The following SOS2 variants were observed in gnomAD, a reference collection of about 807,000 sequenced individuals.
SOS2 encodes the protein SOS Ras/Rho guanine nucleotide exchange factor 2, also known as son of sevenless homolog 2.
In SOS2, 65 loss-of-function variants were observed where a neutral mutation model predicts 148.2. The ratio of observed to expected loss-of-function variants is 0.44; its 90% CI spans 0.36 to 0.54. The LOEUF (loss-of-function observed/expected upper bound fraction) is 0.54. SOS2 is among the 20% of genes least tolerant of loss of function. The pLI, the probability that SOS2 is intolerant of heterozygous loss-of-function variation, is 0.00. For missense variants in SOS2, 1,341 were observed against 1,590.2 expected (o/e 0.84, Z 2.67); for synonymous variants, 539 against 537.1 (o/e 1.00, Z -0.05).
At chr14:50,169,156 A>G (rs1201304087) in intron 8 of SOS2, among the ~76,000 whole-genome samples, 1 of 151,436 alleles carries the variant, frequency 6.6e-6, no homozygotes, top group African/African-American at 2.4e-5. Flanking sequence ...TACTAAAAAT[A>G]TTAAAAAAAA....
intron 22 of SOS2, among the ~76,000 whole-genome samples, chr14:50,119,538 T>G (rs1403800855): frequency 1.3e-5 from 2 of 152,100 alleles, no homozygotes; most frequent in African/African-American, 2.4e-5. Flanking sequence ...TTTATTTTTA[T>G]TTTTAGTTTT....
At chr14:50,155,572 G>A (rs377716161) in intron 12 of SOS2, among the ~76,000 whole-genome samples, 1 of 152,036 alleles carries the variant, frequency 6.6e-6, no homozygotes, top group Non-Finnish European at 1.5e-5. Flanking sequence ...TCCTGAAATT[G>A]TATAGGGATG....
chr14:50,131,696 TG>T (rs1271558285), intron 19 of SOS2, among the ~76,000 whole-genome samples: 5 of 152,204 alleles, frequency 3.3e-5, no homozygotes, highest in African/African-American at 7.2e-5. Context: ...TGATGATGCT[TG>T]GGTAGAAGAA....
intron 18 of SOS2, among the ~76,000 whole-genome samples, chr14:50,135,656 T>C (rs1278724389): frequency 7.0e-6 from 1 of 143,054 alleles, no homozygotes; most frequent in Non-Finnish European, 1.5e-5. Flanking sequence ...TTTTTTTTTT[T>C]TTTTTTTTGA....
intron 16 of SOS2, among the ~76,000 whole-genome samples, chr14:50,142,046 C>T (rs555518512): frequency 6.7e-6 from 1 of 149,370 alleles, no homozygotes; most frequent in South Asian, 2.1e-4. Context: ...CTTGCTCTGT[C>T]GCACAGGCTG....
intron 14 of SOS2, among the ~76,000 whole-genome samples, chr14:50,147,512 TAAA>T (rs60438147): frequency 8.1e-4 from 85 of 105,244 alleles, no homozygotes; most frequent in African/African-American, 9.8e-4. Flanking sequence ...ACCCTGTTTC[TAAA>T]AAAAAAAAAA....
chr14:50,136,561 A>G (rs962443093), intron 18 of SOS2, among the ~76,000 whole-genome samples: 2 of 150,416 alleles, frequency 1.3e-5, no homozygotes. Flanking sequence ...TCAGTAGGTT[A>G]CCACCTTTAT....
At chr14:50,230,442 TCA>T (rs750852386) in intron 1 of SOS2, among the ~76,000 whole-genome samples, 2 of 152,190 alleles carry the variant, frequency 1.3e-5, no homozygotes, top group Non-Finnish European at 2.9e-5. Context: ...CTACCTAAAT[TCA>T]CAGAGGAAGA....
intron 8 of SOS2, among the ~76,000 whole-genome samples, chr14:50,165,493 A>G (rs911585023): frequency 5.9e-5 from 9 of 152,222 alleles, no homozygotes; most frequent in Non-Finnish European, 1.2e-4. Flanking sequence ...GAACAAAGGA[A>G]AAATCAATAG....
chr14:50,138,917 T>G (rs1884174458), intron 17 of SOS2, 133 bp from the exon 18 acceptor site: 1 of 382,798 alleles, frequency 2.6e-6, no homozygotes, highest in African/African-American at 2.1e-5. Context: ...ACTACTAAAA[T>G]GTTAAGTCTC....
In SOS2 at chr14:50,197,689, C is replaced by CTTTTTTTTTT. The variant is rs35121759; in HGVS notation, c.510+1992_510+2001dup. On this transcript the variant is annotated intron_variant, in intron 4 of 22. Transcript: ENST00000216373. The stretch of plus-strand genomic sequence containing the variant: ...TCTTGAATAAAGTCAGCTTTACCAC[C>CTTTTTTTTTT]TTTTTTTTTTTTTTTTTTTGAAACA... Among the ~76,000 whole-genome samples the CTTTTTTTTTT allele has an allele frequency of 1.6e-5, 2 of 125,852 alleles. 1 individual carries two copies. Among genetic ancestry groups the CTTTTTTTTTT allele is most frequent in the Non-Finnish European group, 3.3e-5 (2 of 59,740 alleles). The allele number at this position is 125,852 out of a possible 152,430, so 82.6% of individuals were successfully genotyped here. A position where few individuals can be genotyped will look rare whatever the true frequency, so the allele number is the denominator to read the frequency against.
chr14:50,166,196 TAA>T (rs1194282476), intron 8 of SOS2, among the ~76,000 whole-genome samples: 2 of 152,134 alleles, frequency 1.3e-5, no homozygotes, highest in African/African-American at 2.4e-5. Flanking sequence ...AAATTAAAAA[TAA>T]AAGTGATTGT....
At chr14:50,180,517 T>C (rs1346150454) in intron 7 of SOS2, 55 bp downstream of exon 7, 2 of 724,078 alleles carry the variant, frequency 2.8e-6, no homozygotes, top group South Asian at 1.8e-5. Flanking sequence ...AATAGTGAGA[T>C]ATTTATTTGC....
rs182105413 is a variant in SOS2, at chr14:50,206,203, T to C, written c.88-1794A>G. ...TGCCAACTTCTTGAGATGGATACTT[T>C]GCTCATTTTTGTCAACCTTTCTTTT... is the stretch of plus-strand genomic sequence containing the variant. On this transcript the variant is annotated intron_variant, in intron 1 of 22. Coordinates refer to ENST00000216373, the MANE Select transcript of SOS2 (RefSeq NM_006939.4). Among the ~76,000 whole-genome samples, 318 of 152,340 alleles carry C rather than the reference T, an allele frequency of 2.1e-3. 1 individual carries two copies. Among genetic ancestry groups the C allele is most frequent in the African/African-American group, 6.9e-3 (287 of 41,590 alleles).
intron 14 of SOS2, among the ~76,000 whole-genome samples, chr14:50,145,803 C>T (rs984091246): frequency 1.3e-5 from 2 of 152,128 alleles, no homozygotes; most frequent in Admixed American, 6.6e-5. Flanking sequence ...CATAAAACTA[C>T]AATGAAATCC....
chr14:50,177,839 G>A (rs1365313406), intron 7 of SOS2, among the ~76,000 whole-genome samples: 5 of 152,070 alleles, frequency 3.3e-5, no homozygotes, highest in South Asian at 2.1e-4. Flanking sequence ...TTTGAAGTGC[G>A]TTTAGGGTAT....
chr14:50,209,274 C>CGTCTGTGTGTGTGT (rs1886780544), intron 1 of SOS2, among the ~76,000 whole-genome samples: 1 of 118,276 alleles, frequency 8.5e-6, no homozygotes, highest in Non-Finnish European at 1.9e-5. Flanking sequence ...CCTTAAATGT[C>CGTCTGTGTGTGTGT]GTGTGTGTGT....
At position 50,159,569 on chromosome 14, in the gene SOS2, C is replaced by T. The variant is rs762733592; in HGVS notation, c.1714G>A (p.Val572Ile). Residue 572 changes from valine (V) to isoleucine (I), a missense_variant, in exon 10 of 23, where the codon GTA becomes ATA. Around this residue, in one of 4 missense-constraint regions of SOS2, gnomAD observed 574 missense variants for 711.1 expected, o/e 0.81. Transcript: ENST00000216373. ...EQPLRLPSPE[V>I]YRFVVKDSEE... ...GAGTCTTTTACTACAAAACGATATA[C>T]TTCAGGACTTGGTAATCTCAGTGGT... 3.7e-6 allele frequency: 6 copies of T among 1,613,850 alleles called. No homozygotes were observed. In the Admixed American group the frequency reaches 1.0e-4, roughly 27 times the overall value.
chr14:50,205,896 G>A (rs1331465454), intron 1 of SOS2, among the ~76,000 whole-genome samples: 2 of 139,696 alleles, frequency 1.4e-5, no homozygotes, highest in Admixed American at 7.1e-5. Context: ...CTCCAGCCTG[G>A]GCAACTCCAT....
Sources: allele counts gnomAD v4.1 joint callset (sites outside exome capture counted in the v4.1 genomes callset), GRCh38; gene constraint gnomAD v4.1.1; regional missense constraint gnomAD v4.1.1; transcripts MANE v1.5; gene names NCBI Gene and HGNC (gene_info 2026-07-23, HGNC 2026-07-21).